Variants in TBC1D19 observed in about 807,000 individuals in gnomAD.
The protein encoded by TBC1D19 is TBC1 domain family member 19.
Under a neutral mutation model 89.0 loss-of-function variants are expected in TBC1D19, and 60 were observed. The observed-to-expected ratio is 0.67, with a 90% CI of 0.55 to 0.84. The LOEUF (loss-of-function observed/expected upper bound fraction) is 0.84. Ranked by LOEUF, TBC1D19 falls within the 40% of genes least tolerant of loss-of-function variation. The pLI is 0.00. For synonymous variants in TBC1D19, 189 were observed against 199.7 expected (o/e 0.95, Z 0.45); for missense variants, 500 against 610.8 (o/e 0.82, Z 1.91).
intron 10 of TBC1D19, 111 bp from the exon 11 acceptor site, chr4:26,673,665 G>T (rs982061975): frequency 1.3e-6 from 1 of 741,554 alleles, no homozygotes; most frequent in Admixed American, 2.2e-5. Context: ...GTGTAATTAT[G>T]TTAGATAGAA....
chr4:26,593,859 T>A (rs964418099), intron 1 of TBC1D19, among the ~76,000 whole-genome samples: 4 of 152,206 alleles, frequency 2.6e-5, no homozygotes, highest in African/African-American at 7.2e-5. Context: ...GGAGAGGTTG[T>A]GGAGAAATAG....
At chr4:26,655,594 G>A (rs1215995776) in intron 7 of TBC1D19, among the ~76,000 whole-genome samples, 1 of 152,196 alleles carries the variant, frequency 6.6e-6, no homozygotes, top group Non-Finnish European at 1.5e-5. Context: ...TCCCAGCCTT[G>A]CTGCCACCTT....
chr4:26,734,330 C>T (rs996469801), intron 15 of TBC1D19, among the ~76,000 whole-genome samples: 2 of 152,162 alleles, frequency 1.3e-5, no homozygotes, highest in African/African-American at 4.8e-5. Context: ...TGCCTGTGAA[C>T]ATGTCTGAAT....
At chr4:26,642,915 C>A (rs1271173507) in intron 7 of TBC1D19, among the ~76,000 whole-genome samples, 2 of 152,098 alleles carry the variant, frequency 1.3e-5, no homozygotes, top group East Asian at 1.9e-4. Context: ...TATAGAAGCA[C>A]CCAGATTCAA....
chr4:26,680,807 T>C (rs1713268398), intron 11 of TBC1D19, among the ~76,000 whole-genome samples: 1 of 152,212 alleles, frequency 6.6e-6, no homozygotes, highest in Non-Finnish European at 1.5e-5. Flanking sequence ...TCTTAGCTCT[T>C]CTTTCTCTCG....
At chr4:26,695,251 G>A (rs564442876) in intron 13 of TBC1D19, among the ~76,000 whole-genome samples, 1 of 152,304 alleles carries the variant, frequency 6.6e-6, no homozygotes, top group South Asian at 2.1e-4. Context: ...GGAAGAAAGG[G>A]TATCAGTGAT....
At chr4:26,767,155 G>A in the TBC1D19 span, among the ~76,000 whole-genome samples, 2 of 152,158 alleles carry the variant, frequency 1.3e-5, no homozygotes, top group African/African-American at 4.8e-5. Flanking sequence ...GGGTGACAGA[G>A]TGAGACTCTA....
chr4:26,800,591 G>C, the TBC1D19 span, among the ~76,000 whole-genome samples: 2 of 151,928 alleles, frequency 1.3e-5, no homozygotes, highest in Admixed American at 1.3e-4. Flanking sequence ...ACTGACTTCC[G>C]CAATGGTTGA....
intron 1 of TBC1D19, among the ~76,000 whole-genome samples, chr4:26,601,286 G>A (rs1196246120): frequency 6.6e-6 from 1 of 152,092 alleles, no homozygotes; most frequent in African/African-American, 2.4e-5. Flanking sequence ...GAAACATACA[G>A]TATCTGTCTT....
At chr4:26,714,762 C>G (rs895575317) in intron 13 of TBC1D19, among the ~76,000 whole-genome samples, 5 of 151,982 alleles carry the variant, frequency 3.3e-5, no homozygotes, top group African/African-American at 1.2e-4. Flanking sequence ...AACAGTTTAC[C>G]TTTTCTAGAA....
At chr4:26,842,592 CTTT>C in the TBC1D19 span, among the ~76,000 whole-genome samples, 11 of 99,280 alleles carry the variant, frequency 1.1e-4, no homozygotes, top group East Asian at 1.2e-3. Context: ...CCCTTTCTTT[CTTT>C]CTTTCTTTCT....
intron 13 of TBC1D19, among the ~76,000 whole-genome samples, chr4:26,694,300 T>C (rs1297211749): frequency 6.6e-6 from 1 of 152,130 alleles, no homozygotes; most frequent in African/African-American, 2.4e-5. Context: ...CACTCATTGC[T>C]AGCACAGCAG....
intron 7 of TBC1D19, among the ~76,000 whole-genome samples, chr4:26,653,558 T>C (rs776214641): frequency 1.2e-4 from 19 of 152,210 alleles, no homozygotes; most frequent in Non-Finnish European, 2.5e-4. Context: ...TGGTTGCTCC[T>C]GTATTGGGTG....
chr4:26,745,763 T>C (rs1718616744), intron 18 of TBC1D19, among the ~76,000 whole-genome samples: 1 of 151,900 alleles, frequency 6.6e-6, no homozygotes, highest in Admixed American at 6.6e-5. Context: ...CTGCCTGCCT[T>C]GGCCTCCCAA....
the TBC1D19 span, among the ~76,000 whole-genome samples, chr4:26,853,810 C>T: frequency 6.6e-6 from 1 of 152,246 alleles, no homozygotes; most frequent in Non-Finnish European, 1.5e-5. Flanking sequence ...GCTGGAATTA[C>T]AGGCGTGAGC....
At chr4:26,785,472 T>C in the TBC1D19 span, among the ~76,000 whole-genome samples, 1 of 152,180 alleles carries the variant, frequency 6.6e-6, no homozygotes, top group Admixed American at 6.5e-5. Context: ...GTGACACAAG[T>C]TAACTATTAC....
chr4:26,773,823 A>G, the TBC1D19 span, among the ~76,000 whole-genome samples: 11 of 152,176 alleles, frequency 7.2e-5, no homozygotes, highest in South Asian at 6.2e-4. Flanking sequence ...CCATTGGTCT[A>G]TGTGTCTGTT....
intron 11 of TBC1D19, among the ~76,000 whole-genome samples, chr4:26,680,858 T>C (rs148265227): frequency 1.3e-5 from 2 of 152,354 alleles, no homozygotes; most frequent in African/African-American, 4.8e-5. Flanking sequence ...CTCTGCTGGC[T>C]CTTAAGTGCA....
chr4:26,647,494 C>G (rs1379332636), intron 7 of TBC1D19, among the ~76,000 whole-genome samples: 2 of 152,202 alleles, frequency 1.3e-5, no homozygotes, highest in South Asian at 2.1e-4. Flanking sequence ...GGTCTTCCTA[C>G]TTCTACCTTT....
Sources: allele counts gnomAD v4.1 joint callset (sites outside exome capture counted in the v4.1 genomes callset), GRCh38; gene constraint gnomAD v4.1.1; transcripts MANE v1.5; gene names NCBI Gene and HGNC (gene_info 2026-07-23, HGNC 2026-07-21).